The following TMEM200C variants were observed in gnomAD, a reference collection of about 807,000 sequenced individuals.
TMEM200C encodes transmembrane protein 200C.
For missense variants in TMEM200C, 966 were observed against 699.9 expected, an observed-to-expected ratio of 1.38 and a Z score of -4.29; for synonymous variants, 462 against 324.7, an observed-to-expected ratio of 1.42 and a Z score of -4.55.
exon 3 of TMEM200C, chr18:5,883,108 C>G (rs539579299): frequency 1.3e-5 from 2 of 152,070 alleles, no homozygotes; most frequent in Non-Finnish European, 2.9e-5. Flanking sequence ...GACAATAAAC[C>G]ATAACTGATG....
At chr18:5,885,031 G>C (rs191563362) in exon 3 of TMEM200C, 3 of 152,184 alleles carry the variant, frequency 2.0e-5, no homozygotes, top group African/African-American at 7.2e-5. Context: ...TTAATGTCTA[G>C]CCATGCATTT....
chr18:5,890,899 C>T, exon 3 of TMEM200C: 1 of 682,828 alleles, frequency 1.5e-6, no homozygotes. Flanking sequence ...CCGCCCCTAT[C>T]GCGGCCCCCT....
At chr18:5,894,707 G>A (rs1332502989) in intron 2 of TMEM200C, among the ~76,000 whole-genome samples, 1 of 152,150 alleles carries the variant, frequency 6.6e-6, no homozygotes, top group African/African-American at 2.4e-5. Flanking sequence ...CCTCGACCCC[G>A]GCCCCTCACT....
Position 5,890,380 on chromosome 18 carries a change from CAG to C in TMEM200C, c.1682_1683del (p.Ser561CysfsTer84), listed in dbSNP as rs1246712339. 3.8e-6 allele frequency: 6 copies of C among 1,586,352 alleles called. No homozygotes were observed. Among genetic ancestry groups the C allele is most frequent in the South Asian group, 2.3e-5 (2 of 86,672 alleles). ...GCACCCAGAACGGGGGCGGCCACAG[CAG>C]AGTCTCGCGTTTGACCAGCTACTGC... On this transcript the variant is annotated frameshift_variant, in exon 3 of 3. Transcript: ENST00000581347. LOFTEE classifies it low-confidence loss of function (END_TRUNC).
exon 3 of TMEM200C, chr18:5,885,751 A>C (rs2095164873): frequency 1.3e-5 from 2 of 152,190 alleles, no homozygotes; most frequent in African/African-American, 4.8e-5. Context: ...TATCAATTTA[A>C]AGAAGAATCT....
At chr18:5,892,272 T>G (rs775784399) in intron 2 of TMEM200C, 115 bp from the exon 2 acceptor site, 22 of 602,798 alleles carry the variant, frequency 3.6e-5, no homozygotes, top group Non-Finnish European at 5.5e-5. Context: ...CCCAGGGCCT[T>G]TATCCACTAA....
At chr18:5,894,135 A>T (rs1253407129) in intron 2 of TMEM200C, among the ~76,000 whole-genome samples, 1 of 152,138 alleles carries the variant, frequency 6.6e-6, no homozygotes, top group Non-Finnish European at 1.5e-5. Flanking sequence ...CAGAAAGGCT[A>T]CATGTTTTGT....
exon 3 of TMEM200C, chr18:5,890,070 G>GC (rs879773179): frequency 2.6e-5 from 22 of 849,726 alleles, no homozygotes; most frequent in Non-Finnish European, 3.6e-5. Context: ...ATAACATTCT[G>GC]CAGCTCTTTG....
chr18:5,882,958 G>C (rs1329287872), exon 3 of TMEM200C: 2 of 152,078 alleles, frequency 1.3e-5, no homozygotes, highest in Non-Finnish European at 2.9e-5. Context: ...GAATTTTCTT[G>C]CTCTTTATCA....
At chr18:5,890,656 G>T in exon 3 of TMEM200C, 1 of 651,406 alleles carries the variant, frequency 1.5e-6, no homozygotes, top group Non-Finnish European at 2.2e-6. Context: ...CTGGTGCTGC[G>T]GCGCCGCAAG....
exon 3 of TMEM200C, chr18:5,890,436 G>T: frequency 6.4e-7 from 1 of 1,573,688 alleles, no homozygotes; most frequent in South Asian, 1.2e-5. Context: ...GGAGGTGCCG[G>T]CCTCCCGCAG....
Position 5,890,756 on chromosome 18 carries a change from G to C in TMEM200C, c.1308C>G (p.Arg436=), listed in dbSNP as rs748030114. 1.3e-5 allele frequency: 8 copies of C among 601,612 alleles called. No individual in the cohort carries two copies. The African/African-American group carries it at 1.3e-4, about 10-fold the overall frequency. The allele number at this position is 601,612 out of a possible 1,614,324, so 37.3% of individuals were successfully genotyped here. A position where few individuals can be genotyped will look rare whatever the true frequency, so the allele number is the denominator to read the frequency against. Residue 436 remains arginine, a synonymous_variant, in exon 3 of 3, where the codon CGC becomes CGG. Coordinates refer to ENST00000581347, the Ensembl canonical transcript of TMEM200C. Reference sequence around the variant, plus strand: ...CGCCCTCGGGCTCCTCCGGCTCCCGGCGCGCCCCGCGCATGCTGCCCTCTG... The same window carrying C: ...CGCCCTCGGGCTCCTCCGGCTCCCGCCGCGCCCCGCGCATGCTGCCCTCTG...
At chr18:5,887,142 C>T (rs1336897185) in exon 3 of TMEM200C, 1 of 152,186 alleles carries the variant, frequency 6.6e-6, no homozygotes, top group East Asian at 1.9e-4. Context: ...AATACCATCA[C>T]ACCAATTGTT....
exon 3 of TMEM200C, chr18:5,890,404 C>A: frequency 6.3e-7 from 1 of 1,580,350 alleles, no homozygotes. Context: ...TGACCAGCTA[C>A]TGCGTCCAAG....
exon 3 of TMEM200C, chr18:5,892,055 G>A: frequency 2.5e-6 from 4 of 1,612,190 alleles, no homozygotes; most frequent in Non-Finnish European, 3.4e-6. Context: ...GGCCGCCGGT[G>A]GCGATCATGG....
chr18:5,891,033 G>A lies in TMEM200C; in HGVS notation c.1031C>T (p.Ala344Val), dbSNP rs2144449917. The A allele has an allele frequency of 1.8e-6, 1 of 559,590 alleles. No homozygotes were observed. Among genetic ancestry groups the A allele is most frequent in the Non-Finnish European group, 3.1e-6 (1 of 323,042 alleles). The allele number at this position is 559,590 out of a possible 1,614,324, so 34.7% of individuals were successfully genotyped here. The change falls in exon 3 of 3, where the codon GCC becomes GTC. Residue 344 changes from alanine (A) to valine (V), a missense_variant. Ala to Val is a moderately conservative substitution (Grantham distance 64, BLOSUM62 0). Coordinates refer to ENST00000581347, the Ensembl canonical transcript of TMEM200C. The surrounding 1 kb of genome is among the most constrained non-coding windows in gnomAD (Gnocchi z 4.7). ...ACTGCTGCAGCTGCTAGCGGCTGCG[G>A]CGGCGGTGGCAGCGGCGGCCCGGCG...
chr18:5,890,561 G>T, exon 3 of TMEM200C: 1 of 1,408,526 alleles, frequency 7.1e-7, no homozygotes, highest in Middle Eastern at 2.1e-4. Context: ...AGGCGGCCTT[G>T]GCCAGAGGGC....
exon 2 of TMEM200C, chr18:5,895,103 T>C (rs909550309): frequency 3.3e-5 from 5 of 152,042 alleles, no homozygotes; most frequent in African/African-American, 9.7e-5. Flanking sequence ...GAGAAACTTT[T>C]TCAGCCCGAG....
exon 3 of TMEM200C, chr18:5,890,176 C>T: frequency 2.0e-6 from 3 of 1,497,176 alleles, no homozygotes; most frequent in South Asian, 1.5e-5. Context: ...TCTCTTTCCT[C>T]CTCCCCAACC....
Sources: gnomAD v4.1 joint callset for allele counts (sites outside exome capture counted in the v4.1 genomes callset) on GRCh38, gnomAD v4.1.1 for gene constraint, Gnocchi (gnomAD v3.1) non-coding constraint, MANE v1.5 for transcripts, NCBI Gene and HGNC (gene_info 2026-07-23, HGNC 2026-07-21) for gene names.